The following GABRB2 variants were observed in gnomAD, a reference collection of about 807,000 sequenced individuals.
GABRB2 encodes the protein gamma-aminobutyric acid receptor subunit beta-2.
GABRB2 carries 16 observed loss-of-function variants against 54.7 expected under a neutral mutation model. That is an observed-to-expected ratio of 0.29 (90% CI 0.20 to 0.44). The LOEUF (loss-of-function observed/expected upper bound fraction) is 0.44, where lower values mean the gene tolerates loss of function less well. Among genes scored for constraint, GABRB2 ranks in the 20% least tolerant of loss-of-function variants. The pLI, the probability that GABRB2 is intolerant of heterozygous loss-of-function variation, is 1.00. For missense variants in GABRB2, 355 were observed against 644.0 expected (o/e 0.55, Z 4.86); for synonymous variants, 244 against 233.8 (o/e 1.04, Z -0.40).
intron 3 of GABRB2, among the ~76,000 whole-genome samples, chr5:161,516,246 A>C (rs1220151165): frequency 6.6e-6 from 1 of 152,192 alleles, no homozygotes; most frequent in Non-Finnish European, 1.5e-5. Flanking sequence ...TATTTTAGCT[A>C]ATATCAATTG....
At chr5:161,513,379 C>A (rs1417654077) in intron 3 of GABRB2, among the ~76,000 whole-genome samples, 2 of 151,998 alleles carry the variant, frequency 1.3e-5, no homozygotes, top group Non-Finnish European at 2.9e-5. Flanking sequence ...TGGAACCAAC[C>A]TAAGTGCCCA....
In GABRB2 at chr5:161,372,840, C is replaced by T. The variant is rs1306114273; in HGVS notation, c.542-36071G>A. Among the ~76,000 whole-genome samples the T allele has an allele frequency of 3.9e-5, 6 of 152,238 alleles. No individual in the cohort carries two copies. The South Asian group carries it at 6.2e-4, about 16-fold the overall frequency. On this transcript the variant is annotated intron_variant, in intron 5 of 9. Transcript: ENST00000393959. ...GGGCAGAGTCAGGCTGTGTACCGAGCAGTGTGACTTCAGAGCCTGCATTCC... is the reference window on the plus strand; with the variant it reads ...GGGCAGAGTCAGGCTGTGTACCGAGTAGTGTGACTTCAGAGCCTGCATTCC...
At chr5:161,504,420 CACA>C (rs1043788108) in intron 3 of GABRB2, among the ~76,000 whole-genome samples, 1 of 152,066 alleles carries the variant, frequency 6.6e-6, no homozygotes, top group African/African-American at 2.4e-5. Context: ...TGGGAAATCG[CACA>C]ACATTTAGAA....
intron 5 of GABRB2, among the ~76,000 whole-genome samples, chr5:161,360,293 T>A (rs1405670441): frequency 6.6e-6 from 1 of 152,166 alleles, no homozygotes; most frequent in African/African-American, 2.4e-5. Context: ...GAGCTTAGAA[T>A]ATTTTATCAT....
intron 4 of GABRB2, among the ~76,000 whole-genome samples, chr5:161,437,564 C>T (rs1262667079): frequency 6.6e-6 from 1 of 151,906 alleles, no homozygotes; most frequent in Non-Finnish European, 1.5e-5. Context: ...AACAGCATAG[C>T]CACAGGAGAG....
rs368556084 is a variant in GABRB2, at chr5:161,294,050, C to G, written c.*31G>C. ...CTGTACAACTGGTTTGAGGAGGAAT[C>G]TAGTCCTTGCTTCCAGTGGGAGGCC... On this transcript the variant is annotated 3_prime_UTR_variant, in exon 10 of 10. Transcript: ENST00000393959. 6.5e-5 allele frequency: 99 copies of G among 1,534,066 alleles called. No homozygotes were observed. Among genetic ancestry groups the G allele is most frequent in the Non-Finnish European group, 8.3e-5 (93 of 1,114,312 alleles).
At chr5:161,298,099 A>G (rs1381698014) in intron 9 of GABRB2, among the ~76,000 whole-genome samples, 1 of 152,152 alleles carries the variant, frequency 6.6e-6, no homozygotes, top group Admixed American at 6.5e-5. Context: ...GCGTCTGTTC[A>G]TATCCTTCAT....
intron 4 of GABRB2, among the ~76,000 whole-genome samples, chr5:161,458,143 G>A (rs1366151031): frequency 1.3e-5 from 2 of 152,002 alleles, no homozygotes; most frequent in South Asian, 2.1e-4. Flanking sequence ...TGCACACATG[G>A]TCACCCTCTC....
chr5:161,474,670 C>T (rs976817004), intron 3 of GABRB2, among the ~76,000 whole-genome samples: 10 of 151,858 alleles, frequency 6.6e-5, no homozygotes, highest in African/African-American at 1.7e-4. Flanking sequence ...TAGAAGCATT[C>T]GGTGATTGTT....
intron 4 of GABRB2, among the ~76,000 whole-genome samples, chr5:161,450,841 A>T (rs1689009032): frequency 6.6e-6 from 1 of 152,204 alleles, no homozygotes; most frequent in Non-Finnish European, 1.5e-5. Context: ...GTTGCATTCT[A>T]TAACAGCCTA....
At chr5:161,397,034 T>A (rs1756023003) in intron 5 of GABRB2, among the ~76,000 whole-genome samples, 1 of 152,200 alleles carries the variant, frequency 6.6e-6, no homozygotes, top group African/African-American at 2.4e-5. Flanking sequence ...TAGCTATTGC[T>A]CATCTTACAT....
intron 4 of GABRB2, among the ~76,000 whole-genome samples, chr5:161,415,892 C>G (rs926140552): frequency 6.6e-6 from 1 of 151,746 alleles, no homozygotes; most frequent in Non-Finnish European, 1.5e-5. Context: ...GGATTACAGG[C>G]GTGATCCACC....
At chr5:161,482,480 G>A (rs1372558786) in intron 3 of GABRB2, among the ~76,000 whole-genome samples, 5 of 152,056 alleles carry the variant, frequency 3.3e-5, no homozygotes, top group Non-Finnish European at 7.4e-5. Context: ...CAGAAAAGGA[G>A]CATCTTGAAT....
chr5:161,416,599 A>AGGCAGG (rs1198045297), intron 4 of GABRB2, among the ~76,000 whole-genome samples: 3 of 149,520 alleles, frequency 2.0e-5, no homozygotes, highest in Admixed American at 2.0e-4. Context: ...GCCTTGGCTG[A>AGGCAGG]GGCAGGAGAA....
intron 3 of GABRB2, among the ~76,000 whole-genome samples, chr5:161,498,959 T>C (rs1297091515): frequency 6.6e-6 from 1 of 152,190 alleles, no homozygotes; most frequent in African/African-American, 2.4e-5. Flanking sequence ...GATGCTCTGC[T>C]ACCTTTCTAC....
intron 5 of GABRB2, among the ~76,000 whole-genome samples, chr5:161,393,605 G>T (rs1755903306): frequency 1.3e-5 from 2 of 151,854 alleles, no homozygotes; most frequent in Admixed American, 1.3e-4. Context: ...TGTCAGAAAG[G>T]TTATTTTAAT....
At chr5:161,537,287 C>A (rs1347524677) in intron 3 of GABRB2, among the ~76,000 whole-genome samples, 1 of 152,188 alleles carries the variant, frequency 6.6e-6, no homozygotes, top group East Asian at 1.9e-4. Context: ...GTTAGAAGCA[C>A]CACTTATATG....
chr5:161,333,419 A>C (rs934297580), intron 7 of GABRB2, among the ~76,000 whole-genome samples: 1 of 152,216 alleles, frequency 6.6e-6, no homozygotes, highest in Non-Finnish European at 1.5e-5. Flanking sequence ...CTGCAAGTGT[A>C]TATATCACAG....
chr5:161,352,953 T>C (rs1053344428), intron 5 of GABRB2, among the ~76,000 whole-genome samples: 1 of 151,980 alleles, frequency 6.6e-6, no homozygotes, highest in African/African-American at 2.4e-5. Flanking sequence ...CTGCCTACTT[T>C]CTACTAAGTC....
Sources: gnomAD v4.1 joint callset for allele counts (sites outside exome capture counted in the v4.1 genomes callset) on GRCh38, gnomAD v4.1.1 for gene constraint, MANE v1.5 for transcripts, NCBI Gene and HGNC (gene_info 2026-07-23, HGNC 2026-07-21) for gene names.